ZDHHC17: variants seen among roughly 807,000 people sequenced by gnomAD.
The protein encoded by ZDHHC17 is zDHHC palmitoyltransferase 17, also known as palmitoyltransferase ZDHHC17.
A neutral mutation model predicts 90.3 loss-of-function variants in ZDHHC17; 40 were observed. That is an observed-to-expected ratio of 0.44 (90% CI 0.34 to 0.58). The LOEUF (loss-of-function observed/expected upper bound fraction) is 0.58, where lower values mean the gene tolerates loss of function less well. Ranked by LOEUF, ZDHHC17 falls within the 20% of genes least tolerant of loss-of-function variation. The probability of loss-of-function intolerance (pLI) is 0.01; values close to 1 mark genes in which losing one functional copy is unlikely to be tolerated. For missense variants in ZDHHC17, 614 were observed against 780.8 expected (o/e 0.79, Z 2.55); for synonymous variants, 235 against 252.4 (o/e 0.93, Z 0.65).
chr12:76,811,403 G>A (rs1447148506), intron 5 of ZDHHC17, among the ~76,000 whole-genome samples: 1 of 152,076 alleles, frequency 6.6e-6, no homozygotes, highest in African/African-American at 2.4e-5. Flanking sequence ...TTTTAACTGG[G>A]AAAGAAAGGT....
intron 2 of ZDHHC17, among the ~76,000 whole-genome samples, chr12:76,802,415 C>T (rs1223787250): frequency 1.3e-5 from 2 of 152,172 alleles, no homozygotes; most frequent in Non-Finnish European, 2.9e-5. Flanking sequence ...TATAATATGT[C>T]TCAGTGTGGG....
Position 76,804,698 on chromosome 12 carries a change from C to T in ZDHHC17, c.198-619C>T, listed in dbSNP as rs1952934305. Among the ~76,000 whole-genome samples, 6 of 152,198 alleles carry T rather than the reference C, an allele frequency of 3.9e-5. No homozygotes were observed. The South Asian group carries it at 1.2e-3, about 31-fold the overall frequency. On this transcript the variant is annotated intron_variant, in intron 2 of 16. Coordinates refer to ENST00000426126, the MANE Select transcript of ZDHHC17 (RefSeq NM_015336.4). ...ACTTAGGCGGCGTCTGGGAAGATTG[C>T]AACCCCATAGTACTCGACCAGTGAG...
intron 1 of ZDHHC17, among the ~76,000 whole-genome samples, chr12:76,779,082 A>G (rs757859439): frequency 1.3e-5 from 2 of 152,228 alleles, no homozygotes; most frequent in Non-Finnish European, 2.9e-5. Flanking sequence ...GTTCTGAGGT[A>G]CAGGGGTTAG....
At chr12:76,837,350 C>G (rs1394418382) in intron 10 of ZDHHC17, among the ~76,000 whole-genome samples, 1 of 152,034 alleles carries the variant, frequency 6.6e-6, no homozygotes, top group Non-Finnish European at 1.5e-5. Flanking sequence ...AAAAAATTAG[C>G]CGGGTGTGGT....
intron 1 of ZDHHC17, among the ~76,000 whole-genome samples, chr12:76,793,673 G>A (rs1366467660): frequency 6.6e-6 from 1 of 152,178 alleles, no homozygotes; most frequent in Non-Finnish European, 1.5e-5. Context: ...CTTGTTAGGT[G>A]TACCCTAGGT....
At position 76,808,415 on chromosome 12, in the gene ZDHHC17, A is replaced by G. The variant is rs11115500; in HGVS notation, c.321-628A>G. Among the ~76,000 whole-genome samples the G allele has an allele frequency of 3.4e-3, 524 of 152,252 alleles. 4 individuals are homozygous for G. Among genetic ancestry groups the G allele is most frequent in the African/African-American group, 0.012 (483 of 41,560 alleles). On this transcript the variant is annotated intron_variant, in intron 3 of 16. Transcript: ENST00000426126. ...GGAGTCCAAAGTAGGAGGATTGTTC[A>G]AGTCCAGGAGTTGGAGACCTGCCTG... is the stretch of plus-strand genomic sequence containing the variant.
intron 2 of ZDHHC17, among the ~76,000 whole-genome samples, chr12:76,798,329 A>G (rs1027405411): frequency 6.6e-6 from 1 of 152,198 alleles, no homozygotes; most frequent in Non-Finnish European, 1.5e-5. Context: ...ACTTTTTATA[A>G]TGCAAAGTAT....
intron 1 of ZDHHC17, among the ~76,000 whole-genome samples, chr12:76,795,387 G>C (rs1040978925): frequency 6.6e-6 from 1 of 152,086 alleles, no homozygotes; most frequent in Non-Finnish European, 1.5e-5. Context: ...AGTGTACATT[G>C]TAGAGAGCTT....
At chr12:76,850,736 T>G in intron 16 of ZDHHC17, 111 bp from the exon 17 acceptor site, 6 of 1,374,520 alleles carry the variant, frequency 4.4e-6, no homozygotes, top group Non-Finnish European at 4.9e-6. Flanking sequence ...GCAAGTAACC[T>G]GAGTTTTTAA....
chr12:76,820,234 C>T (rs1953147581), intron 7 of ZDHHC17, among the ~76,000 whole-genome samples: 1 of 151,888 alleles, frequency 6.6e-6, no homozygotes, highest in East Asian at 1.9e-4. Flanking sequence ...AGAAAAGACT[C>T]AAAAGAATTT....
At chr12:76,830,780 A>G (rs1953290780) in intron 10 of ZDHHC17, among the ~76,000 whole-genome samples, 1 of 152,212 alleles carries the variant, frequency 6.6e-6, no homozygotes, top group East Asian at 1.9e-4. Flanking sequence ...CTGTACTCCT[A>G]TAATGTGTAA....
At chr12:76,843,585 TTTA>T (rs1377274137) in intron 12 of ZDHHC17, among the ~76,000 whole-genome samples, 2 of 152,088 alleles carry the variant, frequency 1.3e-5, no homozygotes, top group Non-Finnish European at 2.9e-5. Context: ...ATTGAGATTG[TTTA>T]TTATTATAGA....
intron 1 of ZDHHC17, among the ~76,000 whole-genome samples, chr12:76,787,865 A>C (rs935517647): frequency 3.3e-5 from 5 of 152,358 alleles, no homozygotes; most frequent in Admixed American, 3.3e-4. Flanking sequence ...AACAACTCTC[A>C]GAATCATATT....
chr12:76,775,475 G>A (rs1952548847), intron 1 of ZDHHC17, among the ~76,000 whole-genome samples: 1 of 151,980 alleles, frequency 6.6e-6, no homozygotes, highest in Admixed American at 6.6e-5. Flanking sequence ...TAACTGATTT[G>A]TTTATCTCCA....
At position 76,826,915 on chromosome 12, in the gene ZDHHC17, G is replaced by A. The variant is rs748616519; in HGVS notation, c.905G>A (p.Arg302Gln). The stretch of plus-strand genomic sequence containing the variant: ...TTTTTTGTTTCTATACAGGAATTTC[G>A]GCAGAAAGTAATGTTAGGAACTCCT... ...LRKLKADKEFRQKVMLGTPFL... is the reference protein window; with the variant it reads ...LRKLKADKEFQQKVMLGTPFL... The change falls in exon 9 of 17, where the codon CGG becomes CAG. Residue 302 changes from arginine to glutamine, a missense_variant. This residue lies in a region of ZDHHC17 where 358 missense variants were observed against 380.4 expected (regional missense o/e 0.94). Transcript: ENST00000426126. 2.4e-5 allele frequency: 36 copies of A among 1,510,172 alleles called. No individual in the cohort carries two copies. The highest frequency in any genetic ancestry group is 2.8e-5 in the Non-Finnish European group (32 of 1,140,826). The allele number at this position is 1,510,172 out of a possible 1,614,324, so 93.5% of individuals were successfully genotyped here. A position where few individuals can be genotyped will look rare whatever the true frequency, so the allele number is the denominator to read the frequency against.
At position 76,809,855 on chromosome 12, in the gene ZDHHC17, C is replaced by G; in HGVS notation, c.541C>G (p.Gln181Glu). ...TGTTGCTTATCTCATAGCAAAAGGA[C>G]AGGTAAAAAAAATCTCAGTGGTATG... ...SIVAYLIAKGQDVDMMDQNGM... is the reference protein window; with the variant it reads ...SIVAYLIAKGEDVDMMDQNGM... Residue 181 changes from glutamine to glutamate, a missense_variant and splice_region_variant, in exon 5 of 17, where the codon CAG (glutamine) becomes GAG (glutamate). This residue lies in a region of ZDHHC17 where 358 missense variants were observed against 380.4 expected (regional missense o/e 0.94). Coordinates refer to ENST00000426126, the MANE Select transcript of ZDHHC17 (RefSeq NM_015336.4). 6.2e-7 allele frequency: 1 copy of G among 1,608,836 alleles called. No individual in the cohort carries two copies. The highest frequency in any genetic ancestry group is 8.5e-7 in the Non-Finnish European group (1 of 1,177,388).
At chr12:76,790,071 TA>T (rs1396130622) in intron 1 of ZDHHC17, among the ~76,000 whole-genome samples, 2 of 152,232 alleles carry the variant, frequency 1.3e-5, no homozygotes, top group Non-Finnish European at 2.9e-5. Context: ...CTGTTGTTAA[TA>T]GGGGAAACAG....
intron 3 of ZDHHC17, among the ~76,000 whole-genome samples, chr12:76,807,425 A>G (rs1333152153): frequency 6.6e-6 from 1 of 152,186 alleles, no homozygotes; most frequent in Non-Finnish European, 1.5e-5. Context: ...CTGAAAACCT[A>G]GGATCATTAG....
At chr12:76,840,731 A>G (rs1285114792) in intron 10 of ZDHHC17, among the ~76,000 whole-genome samples, 1 of 152,224 alleles carries the variant, frequency 6.6e-6, no homozygotes, top group African/African-American at 2.4e-5. Context: ...TTTCTTTATC[A>G]TTAAAGAGCA....
Sources: gnomAD v4.1 joint callset for allele counts (sites outside exome capture counted in the v4.1 genomes callset) on GRCh38, gnomAD v4.1.1 for gene constraint, gnomAD v4.1.1 regional missense constraint, MANE v1.5 for transcripts, NCBI Gene and HGNC (gene_info 2026-07-23, HGNC 2026-07-21) for gene names.